NOX4: variants seen among roughly 807,000 people sequenced by gnomAD.
NOX4 encodes the protein kidney oxidase-1.
A neutral mutation model predicts 87.6 loss-of-function variants in NOX4; 69 were observed. The observed-to-expected ratio is 0.79, with a 90% confidence interval of 0.65 to 0.96. The LOEUF (loss-of-function observed/expected upper bound fraction) is 0.96. Ranked by LOEUF, NOX4 falls within the 40% of genes least tolerant of loss-of-function variation. The pLI is 0.00. For missense variants in NOX4, 680 were observed against 681.5 expected (o/e 1.00, Z 0.02); for synonymous variants, 275 against 238.2 (o/e 1.15, Z -1.42).
intron 4 of NOX4, among the ~76,000 whole-genome samples, chr11:89,444,771 C>T (rs902036418): frequency 6.6e-6 from 1 of 151,956 alleles, no homozygotes; most frequent in African/African-American, 2.4e-5. Context: ...ATTCTTAACC[C>T]AACAGAAAAA....
At chr11:89,405,749 AAAG>A (rs774879265) in intron 8 of NOX4, among the ~76,000 whole-genome samples, 3,963 of 127,306 alleles carry the variant, frequency 0.031, 110 homozygotes, top group East Asian at 0.13. Flanking sequence ...ACTGGTTAAA[AAAG>A]AAAAAAAAAA....
At chr11:89,413,124 G>A (rs551953417) in intron 8 of NOX4, among the ~76,000 whole-genome samples, 6 of 152,224 alleles carry the variant, frequency 3.9e-5, no homozygotes, top group Admixed American at 3.3e-4. Flanking sequence ...ACTACAATGC[G>A]ATATTATCTC....
At chr11:89,391,392 G>C (rs1941108730) in intron 11 of NOX4, among the ~76,000 whole-genome samples, 1 of 152,146 alleles carries the variant, frequency 6.6e-6, no homozygotes, top group Non-Finnish European at 1.5e-5. Flanking sequence ...GGAAGAAAAT[G>C]AGGTTGTTTC....
intron 9 of NOX4, among the ~76,000 whole-genome samples, chr11:89,400,902 G>A (rs1420574997): frequency 6.6e-6 from 1 of 151,318 alleles, no homozygotes; most frequent in African/African-American, 2.4e-5. Context: ...GATGCAATAT[G>A]CTAGGCATGT....
intron 12 of NOX4, among the ~76,000 whole-genome samples, chr11:89,364,029 G>GATCA (rs1388834661): frequency 6.6e-6 from 1 of 152,030 alleles, no homozygotes; most frequent in East Asian, 1.9e-4. Context: ...TTGAAAGCTT[G>GATCA]AGGCCAGGGA....
At chr11:89,446,115 A>T (rs1375001280) in intron 4 of NOX4, among the ~76,000 whole-genome samples, 2 of 152,144 alleles carry the variant, frequency 1.3e-5, no homozygotes, top group East Asian at 3.8e-4. Context: ...CGAAAAGATG[A>T]TCCACATTAT....
chr11:89,438,163 T>C lies in NOX4; in HGVS notation c.475+2525A>G, dbSNP rs558236031. 2.8e-3 allele frequency among the ~76,000 whole-genome samples: 413 copies of C among 149,258 alleles called. 1 individual carries two copies. The highest frequency in any genetic ancestry group is 9.9e-3 in the African/African-American group (399 of 40,450). ...TAGGATGATAGGGTTGCATGCTAGG[T>C]AGTGAGATTACCTGCTTATAAGAAG... is the stretch of plus-strand genomic sequence containing the variant. On this transcript the variant is annotated intron_variant, in intron 6 of 17. Coordinates refer to ENST00000263317, the MANE Select transcript of NOX4 (RefSeq NM_016931.5).
intron 12 of NOX4, among the ~76,000 whole-genome samples, chr11:89,367,653 C>T (rs1425509656): frequency 6.6e-6 from 1 of 152,042 alleles, no homozygotes; most frequent in Admixed American, 6.6e-5. Flanking sequence ...TGTTTGCCTC[C>T]AGCCTAGTCT....
At chr11:89,372,114 T>C (rs1283051897) in intron 12 of NOX4, among the ~76,000 whole-genome samples, 1 of 151,132 alleles carries the variant, frequency 6.6e-6, no homozygotes, top group South Asian at 2.1e-4. Flanking sequence ...TATTAGGTTC[T>C]TCCTTCTAAT....
chr11:89,386,381 C>T (rs1461802710), intron 11 of NOX4, among the ~76,000 whole-genome samples: 2 of 152,186 alleles, frequency 1.3e-5, no homozygotes, highest in Admixed American at 1.3e-4. Context: ...ACTGATATCT[C>T]CTGGTTTTAC....
intron 11 of NOX4, among the ~76,000 whole-genome samples, chr11:89,387,719 A>T (rs553265911): frequency 1.4e-4 from 21 of 152,204 alleles, no homozygotes; most frequent in Non-Finnish European, 8.8e-5. Flanking sequence ...AAATATGAAA[A>T]GATGCTACAT....
At chr11:89,336,036 A>C (rs1590951029) in intron 16 of NOX4, 91 bp from the exon 17 acceptor site, 1 of 710,408 alleles carries the variant, frequency 1.4e-6, no homozygotes. Flanking sequence ...GCTTCCCACC[A>C]AATTGCTGTG....
intron 11 of NOX4, among the ~76,000 whole-genome samples, chr11:89,385,155 T>C (rs914412392): frequency 3.1e-4 from 47 of 152,190 alleles, no homozygotes; most frequent in African/African-American, 1.1e-3. Flanking sequence ...ACTCTAAATA[T>C]GCCTTCCATA....
At chr11:89,392,358 T>C (rs930546951) in intron 11 of NOX4, among the ~76,000 whole-genome samples, 16 of 152,064 alleles carry the variant, frequency 1.1e-4, no homozygotes, top group Admixed American at 8.5e-4. Context: ...TGTCCTTTGC[T>C]GTAGGAGGCA....
At chr11:89,395,050 T>C (rs1374819950) in intron 11 of NOX4, among the ~76,000 whole-genome samples, 1 of 152,206 alleles carries the variant, frequency 6.6e-6, no homozygotes, top group African/African-American at 2.4e-5. Flanking sequence ...ATGGTGTTTC[T>C]AGTTCTAGAT....
chr11:89,438,558 T>C (rs1591251788), intron 6 of NOX4, among the ~76,000 whole-genome samples: 1 of 90,782 alleles, frequency 1.1e-5, no homozygotes, highest in Admixed American at 2.0e-4. Flanking sequence ...TAATATACTA[T>C]ATATAATATA....
intron 2 of NOX4, among the ~76,000 whole-genome samples, chr11:89,480,358 T>C (rs1009878861): frequency 2.6e-5 from 4 of 152,244 alleles, no homozygotes; most frequent in Admixed American, 2.0e-4. Context: ...TGTGAAATGA[T>C]AGGAGACAAA....
chr11:89,359,440 G>GCA (rs1218476778), intron 12 of NOX4, among the ~76,000 whole-genome samples: 1 of 148,878 alleles, frequency 6.7e-6, no homozygotes, highest in Non-Finnish European at 1.5e-5. Context: ...GAGTGCAGTG[G>GCA]CATGATCTCA....
intron 6 of NOX4, among the ~76,000 whole-genome samples, chr11:89,438,549 A>ATATAGTATATATT (rs1565292523): frequency 7.8e-5 from 7 of 89,666 alleles, no homozygotes; most frequent in Admixed American, 4.0e-4. Flanking sequence ...TATATATAAT[A>ATATAGTATATATT]ATATACTATA....
Sources: gnomAD v4.1 joint callset for allele counts (sites outside exome capture counted in the v4.1 genomes callset) on GRCh38, gnomAD v4.1.1 for gene constraint, MANE v1.5 for transcripts, NCBI Gene and HGNC (gene_info 2026-07-23, HGNC 2026-07-21) for gene names.